The following KCNJ6 variants were observed in gnomAD, a reference collection of about 807,000 sequenced individuals.
KCNJ6 encodes the protein G protein-activated inward rectifier potassium channel 2.
In KCNJ6, 9 loss-of-function variants were observed where a neutral mutation model predicts 34.2. The observed-to-expected ratio is 0.26, with a 90% confidence interval of 0.16 to 0.46. The LOEUF (loss-of-function observed/expected upper bound fraction) is 0.46. Ranked by LOEUF, KCNJ6 falls within the 20% of genes least tolerant of loss-of-function variation. KCNJ6 has a pLI of 1.00. For missense variants in KCNJ6, 236 were observed against 531.3 expected (o/e 0.44, Z 5.46); for synonymous variants, 196 against 207.1 (o/e 0.95, Z 0.46).
At position 37,726,597 on chromosome 21, in the gene KCNJ6, AATGTGT is replaced by A. The variant is rs1569452857; in HGVS notation, c.26-11472_26-11467del. Among the ~76,000 whole-genome samples the A allele has an allele frequency of 3.3e-5, 5 of 152,072 alleles. No homozygotes were observed. The East Asian group carries it at 9.6e-4, about 29-fold the overall frequency. ...TTACAGTAATGTGTGCATGTTTGTG[AATGTGT>A]GTGTATGTGTGTGTGTAAAGAATGA... On this transcript the variant is annotated intron_variant, in intron 2 of 3. Coordinates refer to ENST00000609713, the MANE Select transcript of KCNJ6 (RefSeq NM_002240.5).
intron 2 of KCNJ6, among the ~76,000 whole-genome samples, chr21:37,725,895 C>T (rs926100881): frequency 1.3e-5 from 2 of 152,078 alleles, no homozygotes; most frequent in Admixed American, 1.3e-4. Flanking sequence ...ATGAAGCTTG[C>T]ATTTATTTAT....
chr21:37,743,062 A>G (rs1421210408), intron 2 of KCNJ6, among the ~76,000 whole-genome samples: 1 of 152,078 alleles, frequency 6.6e-6, no homozygotes, highest in Non-Finnish European at 1.5e-5. Flanking sequence ...AGAGCTCCCA[A>G]TATGTTTAGT....
At chr21:37,712,649 C>CCTTTCTCTTCCCTCCT (rs2054764756) in intron 3 of KCNJ6, among the ~76,000 whole-genome samples, 1 of 101,550 alleles carries the variant, frequency 9.8e-6, no homozygotes. Flanking sequence ...TCCCCTTCTC[C>CCTTTCTCTTCCCTCCT]TCCTCTCCTT....
chr21:37,720,546 A>G (rs966272858), intron 2 of KCNJ6, among the ~76,000 whole-genome samples: 1 of 152,338 alleles, frequency 6.6e-6, no homozygotes, highest in Middle Eastern at 3.4e-3. Flanking sequence ...GGGCGCTGTC[A>G]CAGTGAGCTA....
chr21:37,809,139 C>T (rs371862012), intron 2 of KCNJ6, among the ~76,000 whole-genome samples: 73 of 152,180 alleles, frequency 4.8e-4, no homozygotes, highest in African/African-American at 1.5e-3. Context: ...TGTCCAACAA[C>T]GATAGACTGG....
rs1458115348 is a variant in KCNJ6, at chr21:37,916,034, C to T, written c.-178G>A. On this transcript the variant is annotated 5_prime_UTR_variant, in exon 1 of 4. The change abolishes the stop of an existing upstream ORF in the 5' untranslated region. Coordinates refer to ENST00000609713, the MANE Select transcript of KCNJ6 (RefSeq NM_002240.5). ...AAACTGGAATCAGATGGTCAAATTT[C>T]ACATCAGCACCGAGAGGCTGTTAGG... 2 of 152,420 alleles carry T rather than the reference C, an allele frequency of 1.3e-5. No homozygotes were observed. Among genetic ancestry groups the T allele is most frequent in the South Asian group, 2.1e-4 (1 of 4,832 alleles). The allele number at this position is 152,420 out of a possible 1,614,324, so 9.4% of individuals were successfully genotyped here. A position where few individuals can be genotyped will look rare whatever the true frequency, so the allele number is the denominator to read the frequency against.
chr21:37,872,085 G>C (rs915172401), intron 1 of KCNJ6, among the ~76,000 whole-genome samples: 2 of 152,164 alleles, frequency 1.3e-5, no homozygotes, highest in African/African-American at 4.8e-5. Context: ...ACAAATCAAA[G>C]TGAAGAGGTA....
In KCNJ6 at chr21:37,740,498, A is replaced by G. The variant is rs914316873; in HGVS notation, c.26-25367T>C. Among the ~76,000 whole-genome samples, 3 of 152,176 alleles carry G rather than the reference A, an allele frequency of 2.0e-5. No homozygotes were observed. The East Asian group carries it at 5.8e-4, about 29-fold the overall frequency. ...CTAAATCTACCTATAAACTGGAACTAACAACCCCCCTCCTTTGAGTTGTCC... is the reference window on the plus strand; with the variant it reads ...CTAAATCTACCTATAAACTGGAACTGACAACCCCCCTCCTTTGAGTTGTCC... On this transcript the variant is annotated intron_variant, in intron 2 of 3. Transcript: ENST00000609713.
At chr21:37,751,897 A>G (rs1418584585) in intron 2 of KCNJ6, among the ~76,000 whole-genome samples, 1 of 152,232 alleles carries the variant, frequency 6.6e-6, no homozygotes, top group Non-Finnish European at 1.5e-5. Context: ...TCCTCAATGC[A>G]TTCTTGATAA....
At chr21:37,709,424 G>A (rs1306555082) in intron 3 of KCNJ6, among the ~76,000 whole-genome samples, 2 of 152,114 alleles carry the variant, frequency 1.3e-5, no homozygotes, top group Admixed American at 6.5e-5. Flanking sequence ...TGAGGCAGGA[G>A]AATCGTTTGA....
intron 3 of KCNJ6, among the ~76,000 whole-genome samples, chr21:37,640,678 A>G (rs1437235422): frequency 2.0e-5 from 3 of 152,212 alleles, no homozygotes; most frequent in South Asian, 2.1e-4. Flanking sequence ...TTTACTTTAC[A>G]TATACTTGTT....
chr21:37,706,030 G>T (rs2054717733), intron 3 of KCNJ6, among the ~76,000 whole-genome samples: 1 of 151,768 alleles, frequency 6.6e-6, no homozygotes, highest in African/African-American at 2.4e-5. Context: ...GGGTCAGGAG[G>T]ACAGAAGCTT....
intron 3 of KCNJ6, among the ~76,000 whole-genome samples, chr21:37,681,084 C>A (rs2054588671): frequency 6.6e-6 from 1 of 152,216 alleles, no homozygotes; most frequent in Non-Finnish European, 1.5e-5. Flanking sequence ...GTGAATGTCG[C>A]TATTATCTCT....
chr21:37,872,076 C>G (rs145443074), intron 1 of KCNJ6, among the ~76,000 whole-genome samples: 4 of 152,170 alleles, frequency 2.6e-5, no homozygotes, highest in African/African-American at 7.2e-5. Context: ...TGTAAGCACA[C>G]AAATCAAAGT....
intron 2 of KCNJ6, among the ~76,000 whole-genome samples, chr21:37,745,057 A>G (rs2054960180): frequency 6.9e-6 from 1 of 144,290 alleles, no homozygotes; most frequent in African/African-American, 2.6e-5. Context: ...AGAAGGACTT[A>G]GCCCAACGTT....
At position 37,862,345 on chromosome 21, in the gene KCNJ6, TTTAAC is replaced by T. The variant is rs1357288214; in HGVS notation, c.-27-21641_-27-21637del. On this transcript the variant is annotated intron_variant, in intron 1 of 3. Transcript: ENST00000609713. ...TTTGGCAAGCAGAGAAGTCTTCTAT[TTTAAC>T]TTTTCTGTTTTGTAAATGTCACCTT... Among the ~76,000 whole-genome samples the T allele has an allele frequency of 6.6e-5, 10 of 152,340 alleles. No individual in the cohort carries two copies. In the South Asian group the frequency reaches 1.4e-3, roughly 22 times the overall value.
intron 3 of KCNJ6, among the ~76,000 whole-genome samples, chr21:37,693,850 A>C (rs966602803): frequency 6.6e-6 from 1 of 151,848 alleles, no homozygotes; most frequent in Non-Finnish European, 1.5e-5. Context: ...CTCAACCTGA[A>C]CTCATTCCTG....
chr21:37,830,811 G>A (rs931952275), intron 2 of KCNJ6, among the ~76,000 whole-genome samples: 8 of 152,196 alleles, frequency 5.3e-5, no homozygotes, highest in Admixed American at 1.3e-4. Context: ...AATGTCACGC[G>A]TGATGGTTCT....
chr21:37,838,205 C>T (rs985071343), intron 2 of KCNJ6, among the ~76,000 whole-genome samples: 7 of 152,302 alleles, frequency 4.6e-5, no homozygotes, highest in African/African-American at 1.7e-4. Context: ...AGACCAAAAT[C>T]ATTAGAGATA....
Sources: gnomAD v4.1 joint callset for allele counts (sites outside exome capture counted in the v4.1 genomes callset) on GRCh38, gnomAD v4.1.1 for gene constraint, MANE v1.5 for transcripts, NCBI Gene and HGNC (gene_info 2026-07-23, HGNC 2026-07-21) for gene names.